MAD1L1: variants seen among roughly 807,000 people sequenced by gnomAD.
MAD1L1 encodes mitotic arrest deficient 1 like 1, also known as mitotic spindle assembly checkpoint protein MAD1.
A neutral mutation model predicts 96.9 loss-of-function variants in MAD1L1; 95 were observed. The ratio of observed to expected loss-of-function variants is 0.98; its 90% CI spans 0.83 to 1.16. MAD1L1 has a LOEUF of 1.16. MAD1L1 is among the 50% of genes most tolerant of loss of function. The pLI is 0.00. For missense variants in MAD1L1, 1,007 were observed against 954.4 expected (o/e 1.06, Z -0.73); for synonymous variants, 473 against 396.6 (o/e 1.19, Z -2.29).
At chr7:1,896,385 T>C (rs1786872369) in intron 18 of MAD1L1, among the ~76,000 whole-genome samples, 1 of 151,986 alleles carries the variant, frequency 6.6e-6, no homozygotes, top group Admixed American at 6.5e-5. Context: ...GGGCCCATGC[T>C]CGAGGGTATG....
At chr7:2,091,612 A>T (rs888608208) in intron 11 of MAD1L1, among the ~76,000 whole-genome samples, 8 of 152,134 alleles carry the variant, frequency 5.3e-5, no homozygotes, top group Non-Finnish European at 1.2e-4. Context: ...CGTCTCTACC[A>T]AAAAATACAA....
intron 18 of MAD1L1, among the ~76,000 whole-genome samples, chr7:1,840,020 G>C (rs944108536): frequency 1.3e-5 from 2 of 152,222 alleles, no homozygotes; most frequent in Non-Finnish European, 2.9e-5. Flanking sequence ...CACCTGCAGC[G>C]GGGCCCAGCA....
intron 18 of MAD1L1, among the ~76,000 whole-genome samples, chr7:1,879,073 T>C (rs1292311010): frequency 6.6e-6 from 1 of 152,188 alleles, no homozygotes; most frequent in Non-Finnish European, 1.5e-5. Context: ...AAAATACACA[T>C]AACCTGCATG....
At chr7:2,179,454 G>A (rs774816400) in intron 10 of MAD1L1, among the ~76,000 whole-genome samples, 77 of 151,932 alleles carry the variant, frequency 5.1e-4, no homozygotes, top group Non-Finnish European at 1.0e-3. Context: ...CTTGAACCCG[G>A]GAGGTAGAGG....
chr7:2,001,848 G>A (rs944745647), intron 14 of MAD1L1, among the ~76,000 whole-genome samples: 4 of 152,220 alleles, frequency 2.6e-5, no homozygotes, highest in East Asian at 1.9e-4. Context: ...GGTGGGGCCC[G>A]AGGGGCTGTG....
intron 11 of MAD1L1, among the ~76,000 whole-genome samples, chr7:2,095,234 C>T (rs547989285): frequency 2.0e-4 from 31 of 152,168 alleles, no homozygotes; most frequent in East Asian, 7.7e-4. Flanking sequence ...TTAGTAGAGC[C>T]GGGGTTTCAC....
rs773967765 is a variant in MAD1L1, at chr7:2,215,974, G to A, written c.835C>T (p.Leu279Phe). ...LREMRETNGLLQEELEGLQRK... is the reference protein window; with the variant it reads ...LREMRETNGLFQEELEGLQRK... ...TGCAGCCCTTCCAGCTCTTCCTGGA[G>A]CAGCCCGTTGGTCTCTCTCATCTCC... Residue 279 changes from leucine (L) to phenylalanine (F), a missense_variant, in exon 9 of 19, where the codon CTC (leucine) becomes TTC (phenylalanine). Leu to Phe is a conservative substitution (Grantham distance 22). Coordinates refer to ENST00000265854, the MANE Select transcript of MAD1L1 (RefSeq NM_001013836.2). 25 of 1,614,090 alleles carry A rather than the reference G, an allele frequency of 1.5e-5. No homozygotes were observed. Among genetic ancestry groups the A allele is most frequent in the Non-Finnish European group, 2.1e-5 (25 of 1,180,056 alleles).
At chr7:2,123,348 G>T (rs1376856105) in intron 11 of MAD1L1, among the ~76,000 whole-genome samples, 1 of 151,798 alleles carries the variant, frequency 6.6e-6, no homozygotes, top group Non-Finnish European at 1.5e-5. Flanking sequence ...CCAGCTCAGG[G>T]ACTGAGATGA....
chr7:2,038,386 T>G (rs183817749), intron 12 of MAD1L1, among the ~76,000 whole-genome samples: 8 of 152,180 alleles, frequency 5.3e-5, no homozygotes, highest in African/African-American at 1.7e-4. Flanking sequence ...AAAACAGCCT[T>G]CTGCTGGAAG....
chr7:1,927,900 T>C (rs1658949769), intron 17 of MAD1L1, among the ~76,000 whole-genome samples: 1 of 152,122 alleles, frequency 6.6e-6, no homozygotes, highest in Admixed American at 6.5e-5. Flanking sequence ...TGGGAGAAGA[T>C]ATTTATCAGC....
At position 2,103,903 on chromosome 7, in the gene MAD1L1, T is replaced by C. The variant is rs865953878; in HGVS notation, c.1074-34565A>G. 1.3e-5 allele frequency among the ~76,000 whole-genome samples: 2 copies of C among 152,100 alleles called. No individual in the cohort carries two copies. The highest frequency in any genetic ancestry group is 2.4e-5 in the African/African-American group (1 of 41,408). ...GACCACCAGTTCTGATGCCACGCCATACAACACTCCACCCCGCTGGACGTC... is the reference window on the plus strand; with the variant it reads ...GACCACCAGTTCTGATGCCACGCCACACAACACTCCACCCCGCTGGACGTC... On this transcript the variant is annotated intron_variant, in intron 11 of 18. Transcript: ENST00000265854. This position sits in a 1 kb window ranked among gnomAD's most constrained non-coding sequence, Gnocchi z 4.3.
At chr7:2,048,015 A>G (rs544044098) in intron 12 of MAD1L1, among the ~76,000 whole-genome samples, 2 of 152,310 alleles carry the variant, frequency 1.3e-5, no homozygotes, top group South Asian at 4.1e-4. Flanking sequence ...ATACATGCGC[A>G]CACAAGTACA....
intron 15 of MAD1L1, among the ~76,000 whole-genome samples, chr7:1,958,378 A>G (rs1779815769): frequency 6.6e-6 from 1 of 152,210 alleles, no homozygotes; most frequent in Admixed American, 6.5e-5. Flanking sequence ...TAATATTTTG[A>G]ATGGAAAACA....
chr7:1,880,799 G>A (rs1254807168), intron 18 of MAD1L1, among the ~76,000 whole-genome samples: 1 of 152,244 alleles, frequency 6.6e-6, no homozygotes. Context: ...ACTGCTGATG[G>A]GGAGCCTGGG....
At chr7:1,952,504 G>C (rs1475469375) in intron 16 of MAD1L1, among the ~76,000 whole-genome samples, 1 of 152,220 alleles carries the variant, frequency 6.6e-6, no homozygotes, top group Non-Finnish European at 1.5e-5. Context: ...GACTCCCACA[G>C]AACAGGGGCC....
intron 18 of MAD1L1, among the ~76,000 whole-genome samples, chr7:1,827,535 G>A (rs1196133421): frequency 7.7e-6 from 1 of 129,578 alleles, no homozygotes; most frequent in Non-Finnish European, 1.7e-5. Flanking sequence ...AGCCCGTCCC[G>A]GGTGTGGGGG....
At chr7:1,963,535 C>T (rs1446106736) in intron 15 of MAD1L1, among the ~76,000 whole-genome samples, 1 of 152,176 alleles carries the variant, frequency 6.6e-6, no homozygotes, top group Non-Finnish European at 1.5e-5. Context: ...TGCAAATTCA[C>T]CACACTGCAC....
chr7:2,071,957 C>T (rs1785152923), intron 11 of MAD1L1, among the ~76,000 whole-genome samples: 1 of 152,242 alleles, frequency 6.6e-6, no homozygotes, highest in African/African-American at 2.4e-5. Context: ...CCCTGCGCAT[C>T]CATTCATCTG....
At chr7:1,950,565 G>A (rs1251916131) in intron 16 of MAD1L1, among the ~76,000 whole-genome samples, 1 of 152,224 alleles carries the variant, frequency 6.6e-6, no homozygotes, top group Non-Finnish European at 1.5e-5. Flanking sequence ...AGAAGGGTTG[G>A]ACAACAGTGA....
Sources: allele counts gnomAD v4.1 joint callset (sites outside exome capture counted in the v4.1 genomes callset), GRCh38; gene constraint gnomAD v4.1.1; non-coding constraint Gnocchi (gnomAD v3.1); transcripts MANE v1.5; gene names NCBI Gene and HGNC (gene_info 2026-07-23, HGNC 2026-07-21).